ZNF385B: variants seen among roughly 807,000 people sequenced by gnomAD.
ZNF385B encodes zinc finger protein 385B, also known as zinc finger protein 533.
A neutral mutation model predicts 39.2 loss-of-function variants in ZNF385B; 23 were observed. The ratio of observed to expected loss-of-function variants is 0.59; its 90% CI spans 0.42 to 0.83. ZNF385B has a LOEUF of 0.83. ZNF385B is among the 40% of genes least tolerant of loss of function. The pLI is 0.00. For synonymous variants in ZNF385B, 205 were observed against 222.6 expected, an observed-to-expected ratio of 0.92 and a Z score of 0.70; for missense variants, 552 against 598.9, an observed-to-expected ratio of 0.92 and a Z score of 0.82.
At chr2:179,646,569 C>T (rs1219486903) in intron 3 of ZNF385B, among the ~76,000 whole-genome samples, 1 of 152,200 alleles carries the variant, frequency 6.6e-6, no homozygotes, top group African/African-American at 2.4e-5. Flanking sequence ...ACAGCCTGAG[C>T]CCTCAGCCCA....
chr2:179,674,425 G>A (rs1433911158), intron 3 of ZNF385B, among the ~76,000 whole-genome samples: 1 of 152,158 alleles, frequency 6.6e-6, no homozygotes, highest in Admixed American at 6.5e-5. Context: ...GGGTGGTTTA[G>A]TCTTATGAAT....
chr2:179,847,023 A>G (rs1248826701), intron 1 of ZNF385B, among the ~76,000 whole-genome samples: 1 of 152,252 alleles, frequency 6.6e-6, no homozygotes, highest in South Asian at 2.1e-4. Flanking sequence ...AATGCAGGTG[A>G]AAGCATTCTT....
intron 1 of ZNF385B, among the ~76,000 whole-genome samples, chr2:179,835,961 A>G (rs981562589): frequency 6.6e-6 from 1 of 152,212 alleles, no homozygotes; most frequent in Non-Finnish European, 1.5e-5. Context: ...ACTATTGCCT[A>G]TAAGTGAACG....
chr2:179,511,903 C>T lies in ZNF385B; in HGVS notation c.552+6625G>A, dbSNP rs914678560. Among the ~76,000 whole-genome samples the T allele has an allele frequency of 8.5e-5, 13 of 152,196 alleles. No homozygotes were observed. The South Asian group carries it at 2.1e-3, about 24-fold the overall frequency. Reference sequence around the variant, plus strand: ...CAAAATAAAAAATATCAACAGATCACAAACCTAGAGGTACCATACAAAATA... The same window carrying T: ...CAAAATAAAAAATATCAACAGATCATAAACCTAGAGGTACCATACAAAATA... On this transcript the variant is annotated intron_variant, in intron 5 of 9. Coordinates refer to ENST00000410066, the MANE Select transcript of ZNF385B (RefSeq NM_152520.6).
intron 3 of ZNF385B, among the ~76,000 whole-genome samples, chr2:179,671,701 C>T (rs1190397723): frequency 6.6e-6 from 1 of 152,218 alleles, no homozygotes; most frequent in African/African-American, 2.4e-5. Flanking sequence ...TCCCCCAGCC[C>T]CTCTGTCTCA....
In ZNF385B at chr2:179,446,015, C is replaced by CT. The variant is rs1372570728; in HGVS notation, c.962-288dup. On this transcript the variant is annotated intron_variant, in intron 7 of 9. Transcript: ENST00000410066. ...ATTCTAGGGTATTTCTTGTCAGTTT[C>CT]TTTTTTTTAATGTACTAAAAACAGT... 4.0e-5 allele frequency among the ~76,000 whole-genome samples: 6 copies of CT among 151,628 alleles called. No individual in the cohort carries two copies. In the East Asian group the frequency reaches 9.7e-4, roughly 24 times the overall value.
chr2:179,502,048 C>T (rs2056808767), intron 5 of ZNF385B, among the ~76,000 whole-genome samples: 1 of 152,134 alleles, frequency 6.6e-6, no homozygotes, highest in Admixed American at 6.6e-5. Context: ...TCCTGACTGC[C>T]CTGCTGGGTT....
chr2:179,539,241 T>A (rs1574682321), intron 4 of ZNF385B, among the ~76,000 whole-genome samples: 1 of 152,182 alleles, frequency 6.6e-6, no homozygotes, highest in African/African-American at 2.4e-5. Flanking sequence ...TGTGTTCCCA[T>A]GGCAAAGAGG....
At chr2:179,496,795 T>C (rs1054819039) in intron 5 of ZNF385B, among the ~76,000 whole-genome samples, 2 of 152,228 alleles carry the variant, frequency 1.3e-5, no homozygotes, top group African/African-American at 4.8e-5. Context: ...ATGCCTGTAA[T>C]CTCAGCACTT....
intron 3 of ZNF385B, among the ~76,000 whole-genome samples, chr2:179,725,555 T>C (rs908536830): frequency 6.6e-6 from 1 of 151,660 alleles, no homozygotes; most frequent in African/African-American, 2.4e-5. Flanking sequence ...AAATTAAGTG[T>C]TGTCTTTTTC....
chr2:179,770,612 G>T lies in ZNF385B; in HGVS notation c.-94C>A, dbSNP rs759958735. On this transcript the variant is annotated 5_prime_UTR_variant, in exon 2 of 10. Transcript: ENST00000410066. ...CTTGTAGTGAAACAAACTGTTTTTCGGTTTCCAGGTTAGCCCATAAACATC... is the reference window on the plus strand; with the variant it reads ...CTTGTAGTGAAACAAACTGTTTTTCTGTTTCCAGGTTAGCCCATAAACATC... 6.6e-6 allele frequency: 1 copy of T among 152,044 alleles called. No individual in the cohort carries two copies. Among genetic ancestry groups the T allele is most frequent in the Non-Finnish European group, 1.5e-5 (1 of 68,012 alleles). The allele number at this position is 152,044 out of a possible 1,614,324, so 9.4% of individuals were successfully genotyped here.
intron 3 of ZNF385B, 148 bp from the exon 4 acceptor site, chr2:179,545,117 A>G: frequency 1.1e-6 from 1 of 900,516 alleles, no homozygotes. Flanking sequence ...GGAGTAGTAA[A>G]CACAATAAAA....
At chr2:179,493,376 C>T (rs78262403) in intron 5 of ZNF385B, among the ~76,000 whole-genome samples, 4,589 of 64,408 alleles carry the variant, frequency 0.071, 227 homozygotes, top group African/African-American at 0.16. Context: ...GGTTTGTGTG[C>T]GCGCGCACAT....
chr2:179,718,370 CTTATATA>C (rs1418251612), intron 3 of ZNF385B, among the ~76,000 whole-genome samples: 17 of 147,508 alleles, frequency 1.2e-4, no homozygotes, highest in Admixed American at 9.5e-4. Context: ...ATCTTTTTAT[CTTATATA>C]TTATATATTA....
intron 3 of ZNF385B, among the ~76,000 whole-genome samples, chr2:179,752,802 G>T (rs1321941412): frequency 6.6e-6 from 1 of 151,926 alleles, no homozygotes; most frequent in Non-Finnish European, 1.5e-5. Flanking sequence ...TTGTAAATTT[G>T]TTGGGAGTTC....
At chr2:179,744,206 A>T (rs1336707067) in intron 3 of ZNF385B, among the ~76,000 whole-genome samples, 1 of 152,174 alleles carries the variant, frequency 6.6e-6, no homozygotes, top group Non-Finnish European at 1.5e-5. Context: ...CCTGGATTAA[A>T]CAATATAAAG....
At chr2:179,654,992 G>C (rs1200530566) in intron 3 of ZNF385B, among the ~76,000 whole-genome samples, 2 of 152,158 alleles carry the variant, frequency 1.3e-5, no homozygotes, top group East Asian at 3.9e-4. Flanking sequence ...TCCAAATGAG[G>C]CTCTTTGATT....
chr2:179,790,029 G>T (rs921679755), intron 1 of ZNF385B, among the ~76,000 whole-genome samples: 6 of 152,134 alleles, frequency 3.9e-5, no homozygotes, highest in African/African-American at 1.4e-4. Context: ...GAATATTGTA[G>T]TATTATGTTC....
intron 1 of ZNF385B, among the ~76,000 whole-genome samples, chr2:179,780,507 C>G (rs1441777151): frequency 6.6e-6 from 1 of 152,190 alleles, no homozygotes; most frequent in Non-Finnish European, 1.5e-5. Flanking sequence ...TGCTTCCTTC[C>G]GTTTTCTGTT....
Sources: gnomAD v4.1 joint callset for allele counts (sites outside exome capture counted in the v4.1 genomes callset) on GRCh38, gnomAD v4.1.1 for gene constraint, MANE v1.5 for transcripts, NCBI Gene and HGNC (gene_info 2026-07-23, HGNC 2026-07-21) for gene names.